Variants in HDAC9 observed in about 807,000 individuals in gnomAD.
The protein encoded by HDAC9 is MEF-2 interacting transcription repressor (MITR) protein.
HDAC9 carries 41 observed loss-of-function variants against 139.4 expected under a neutral mutation model. The observed-to-expected ratio is 0.29, with a 90% CI of 0.23 to 0.38. HDAC9 has a LOEUF of 0.38. Among genes scored for constraint, HDAC9 ranks in the 10% least tolerant of loss-of-function variants. The pLI, the probability that HDAC9 is intolerant of heterozygous loss-of-function variation, is 1.00. For missense variants in HDAC9, 1,147 were observed against 1,297.0 expected (o/e 0.88, Z 1.78); for synonymous variants, 517 against 476.2 (o/e 1.09, Z -1.12).
chr7:18,092,660 A>G (rs929867062), intron 1 of HDAC9, among the ~76,000 whole-genome samples: 1 of 152,192 alleles, frequency 6.6e-6, no homozygotes, highest in African/African-American at 2.4e-5. Flanking sequence ...GAAAGAAGAA[A>G]AAATGATTGC....
intron 21 of HDAC9, among the ~76,000 whole-genome samples, chr7:18,869,858 G>T (rs925571747): frequency 4.0e-5 from 6 of 149,480 alleles, no homozygotes; most frequent in Non-Finnish European, 8.9e-5. Flanking sequence ...CATATGCAAA[G>T]CAGTAGCTTT....
chr7:18,793,571 G>C, intron 17 of HDAC9, 119 bp downstream of exon 17: 1 of 710,844 alleles, frequency 1.4e-6, no homozygotes, highest in East Asian at 2.7e-5. Flanking sequence ...AGAAGGAAGA[G>C]GGTAGAGATG....
chr7:18,827,211 A>T (rs1224661914), intron 17 of HDAC9, among the ~76,000 whole-genome samples: 4 of 152,090 alleles, frequency 2.6e-5, no homozygotes, highest in East Asian at 3.9e-4. Context: ...TACATGATAA[A>T]GTCTTTTTGA....
intron 6 of HDAC9, among the ~76,000 whole-genome samples, chr7:18,619,161 A>G (rs957918915): frequency 6.6e-6 from 1 of 152,192 alleles, no homozygotes; most frequent in Non-Finnish European, 1.5e-5. Flanking sequence ...CCTTGACTCC[A>G]AAATGTAGTA....
chr7:18,516,586 G>T (rs1803265677), intron 2 of HDAC9, among the ~76,000 whole-genome samples: 1 of 152,130 alleles, frequency 6.6e-6, no homozygotes, highest in African/African-American at 2.4e-5. Flanking sequence ...TAGGCTGGGT[G>T]CAGTGGTTCA....
chr7:18,723,131 A>G (rs545136733), intron 12 of HDAC9, among the ~76,000 whole-genome samples: 8 of 151,888 alleles, frequency 5.3e-5, no homozygotes, highest in Non-Finnish European at 1.2e-4. Flanking sequence ...TTTTTTTCTC[A>G]GCCATTTCTT....
At chr7:18,562,019 A>G (rs1241583967) in intron 2 of HDAC9, among the ~76,000 whole-genome samples, 1 of 152,190 alleles carries the variant, frequency 6.6e-6, no homozygotes, top group African/African-American at 2.4e-5. Flanking sequence ...TTTTGATTAT[A>G]GCCATTCTAG....
intron 2 of HDAC9, among the ~76,000 whole-genome samples, chr7:18,169,622 C>A (rs370594289): frequency 2.8e-4 from 43 of 152,206 alleles, no homozygotes; most frequent in African/African-American, 1.0e-3. Context: ...TCCCCCACCG[C>A]ACGACAGGCC....
intron 6 of HDAC9, among the ~76,000 whole-genome samples, chr7:18,597,219 G>T (rs902723718): frequency 6.6e-6 from 1 of 152,146 alleles, no homozygotes. Context: ...TAAGAATGGA[G>T]TGACTTCTCC....
chr7:18,400,474 C>A (rs1787438587), intron 1 of HDAC9, among the ~76,000 whole-genome samples: 1 of 152,090 alleles, frequency 6.6e-6, no homozygotes. Flanking sequence ...TGGGGGTTGG[C>A]AGTATTCCCT....
At chr7:18,233,373 A>G (rs578237188) in intron 2 of HDAC9, among the ~76,000 whole-genome samples, 1 of 151,888 alleles carries the variant, frequency 6.6e-6, no homozygotes, top group Admixed American at 6.6e-5. Flanking sequence ...TTGGACCATT[A>G]ATTATGCCAA....
chr7:18,477,709 GATTCTTAAAATTGGCC>G (rs1252998179), intron 1 of HDAC9, among the ~76,000 whole-genome samples: 23 of 151,942 alleles, frequency 1.5e-4, no homozygotes, highest in African/African-American at 5.6e-4. Flanking sequence ...ATGTTATGTC[GATTCTTAAAATTGGCC>G]ATTATTCACA....
In HDAC9 at chr7:18,509,093, T is replaced by G. The variant is rs112435533; in HGVS notation, c.22+12769T>G. Among the ~76,000 whole-genome samples, 1,235 of 152,316 alleles carry G rather than the reference T, an allele frequency of 8.1e-3. 18 individuals carry two copies. Among genetic ancestry groups the G allele is most frequent in the African/African-American group, 0.028 (1,172 of 41,576 alleles). On this transcript the variant is annotated intron_variant, in intron 2 of 25. Transcript: ENST00000686413. ...CTAAGAGCTATTTTTCCTCACACAT[T>G]ATGCTTTGTGAATAGGGAACAATGG...
At chr7:18,267,284 CT>C (rs912787629) in intron 2 of HDAC9, among the ~76,000 whole-genome samples, 5 of 152,032 alleles carry the variant, frequency 3.3e-5, no homozygotes, top group Non-Finnish European at 5.9e-5. Context: ...TTTCATACTA[CT>C]TTTTTTGTGG....
chr7:18,178,808 A>C (rs1292378141), intron 2 of HDAC9, among the ~76,000 whole-genome samples: 1 of 152,226 alleles, frequency 6.6e-6, no homozygotes, highest in Non-Finnish European at 1.5e-5. Flanking sequence ...GAGGACCTTC[A>C]GTAAAATACA....
intron 1 of HDAC9, among the ~76,000 whole-genome samples, chr7:18,101,465 TAATTCCAATCCCTCTTACTC>T (rs1166301669): frequency 1.3e-5 from 2 of 152,234 alleles, no homozygotes; most frequent in African/African-American, 4.8e-5. Flanking sequence ...GGCAGGGGGA[TAATTCCAATCCCTCTTACTC>T]AGTCTTCTTT....
chr7:18,859,073 A>C (rs1797898862), intron 21 of HDAC9, among the ~76,000 whole-genome samples: 1 of 152,158 alleles, frequency 6.6e-6, no homozygotes, highest in African/African-American at 2.4e-5. Context: ...TCAGTCAGTT[A>C]TTTGCTGAAA....
At chr7:18,858,653 A>G (rs1797868742) in intron 21 of HDAC9, among the ~76,000 whole-genome samples, 1 of 152,192 alleles carries the variant, frequency 6.6e-6, no homozygotes, top group Admixed American at 6.6e-5. Flanking sequence ...CTTTCATGCT[A>G]ATCCAAGTGA....
At chr7:18,476,703 T>TAATATTTCTCCCTAGA (rs1452601264) in intron 1 of HDAC9, among the ~76,000 whole-genome samples, 1 of 152,200 alleles carries the variant, frequency 6.6e-6, no homozygotes, top group East Asian at 1.9e-4. Context: ...TTTCTTCCCT[T>TAATATTTCTCCCTAGA]AATATTTCTC....
Sources: gnomAD v4.1 joint callset for allele counts (sites outside exome capture counted in the v4.1 genomes callset) on GRCh38, gnomAD v4.1.1 for gene constraint, MANE v1.5 for transcripts, NCBI Gene and HGNC (gene_info 2026-07-23, HGNC 2026-07-21) for gene names.